FBXO42: variants seen among roughly 807,000 people sequenced by gnomAD.
FBXO42 encodes F-box protein 42.
FBXO42 carries 12 observed loss-of-function variants against 71.7 expected under a neutral mutation model. The ratio of observed to expected loss-of-function variants is 0.17; its 90% CI spans 0.11 to 0.27. The LOEUF is 0.27. Ranked by LOEUF, FBXO42 falls within the 10% of genes least tolerant of loss-of-function variation. FBXO42 has a pLI of 1.00. For missense variants in FBXO42, 707 were observed against 911.9 expected, an observed-to-expected ratio of 0.78 and a Z score of 2.89; for synonymous variants, 325 against 327.5, an observed-to-expected ratio of 0.99 and a Z score of 0.08.
At chr1:16,322,737 G>A (rs1379180197) in intron 1 of FBXO42, among the ~76,000 whole-genome samples, 1 of 152,178 alleles carries the variant, frequency 6.6e-6, no homozygotes. Flanking sequence ...CTTTAATGCT[G>A]TGAAACCTAG....
At chr1:16,300,893 CTTTTT>C (rs34549210) in intron 3 of FBXO42, among the ~76,000 whole-genome samples, 1 of 100,896 alleles carries the variant, frequency 9.9e-6, no homozygotes, top group Non-Finnish European at 1.9e-5. Flanking sequence ...TAGAATTGGC[CTTTTT>C]TTTTTTTTTT....
chr1:16,279,081 G>A (rs1404176733), intron 4 of FBXO42, among the ~76,000 whole-genome samples: 2 of 152,076 alleles, frequency 1.3e-5, no homozygotes, highest in African/African-American at 4.8e-5. Context: ...CAGCCTAGAC[G>A]GTTATTTCTG....
At chr1:16,285,516 C>T (rs950553232) in intron 4 of FBXO42, among the ~76,000 whole-genome samples, 1 of 152,226 alleles carries the variant, frequency 6.6e-6, no homozygotes, top group African/African-American at 2.4e-5. Flanking sequence ...TCCTGATCTG[C>T]CTGCCTTGGC....
intron 1 of FBXO42, among the ~76,000 whole-genome samples, chr1:16,318,453 T>A (rs1557600375): frequency 6.6e-6 from 1 of 152,158 alleles, no homozygotes; most frequent in Non-Finnish European, 1.5e-5. Flanking sequence ...TAAGCCATTA[T>A]CAGCAGTTAC....
intron 2 of FBXO42, among the ~76,000 whole-genome samples, chr1:16,313,629 G>A (rs2082337386): frequency 6.6e-6 from 1 of 152,158 alleles, no homozygotes. Flanking sequence ...CAATACAGCT[G>A]GTTCTTAGCC....
At chr1:16,302,328 A>AT (rs1470985245) in intron 3 of FBXO42, among the ~76,000 whole-genome samples, 1 of 152,286 alleles carries the variant, frequency 6.6e-6, no homozygotes, top group African/African-American at 2.4e-5. Context: ...GTATTAGTCC[A>AT]TTTTCACACT....
chr1:16,295,056 T>A, intron 3 of FBXO42, 139 bp from the exon 4 acceptor site: 1 of 929,194 alleles, frequency 1.1e-6, no homozygotes, highest in Non-Finnish European at 1.6e-6. Flanking sequence ...ATTACCAGCC[T>A]CTTGTCTCCA....
chr1:16,338,060 C>A (rs1009075798), intron 1 of FBXO42, among the ~76,000 whole-genome samples: 15 of 151,750 alleles, frequency 9.9e-5, no homozygotes, highest in African/African-American at 2.9e-4. Context: ...GAGATCAAGA[C>A]CATCCTGGCT....
intron 1 of FBXO42, among the ~76,000 whole-genome samples, chr1:16,337,375 G>A (rs2100622426): frequency 6.6e-6 from 1 of 152,170 alleles, no homozygotes; most frequent in East Asian, 1.9e-4. Flanking sequence ...CATGTGCCAG[G>A]TGCCTTATCT....
rs747774802 is a variant in FBXO42 at position 16,251,543 on chromosome 1, G to T, written c.1281C>A (p.Ser427Arg). The change falls in exon 10 of 10, where the codon AGC becomes AGA. Residue 427 changes from serine to arginine, a missense_variant. Ser to Arg is a moderately radical substitution (Grantham distance 110). This residue lies in a region of FBXO42 where 482 missense variants were observed against 587.1 expected (regional missense o/e 0.82). Coordinates refer to ENST00000375592, the MANE Select transcript of FBXO42 (RefSeq NM_018994.3). The surrounding 1 kb of genome is among the most constrained non-coding windows in gnomAD (Gnocchi z 4.5). ...AGCCGTCTCCTCTGGCTGGGGAAAG[G>T]CTCCCTTCCCGGGAACCTGAAGGAG... ...RQTPSGSREGSLSPARGDGSP... is the reference protein window; with the variant it reads ...RQTPSGSREGRLSPARGDGSP... 10 of 1,614,144 alleles carry T rather than the reference G, an allele frequency of 6.2e-6. No homozygotes were observed. The highest frequency in any genetic ancestry group is 8.5e-6 in the Non-Finnish European group (10 of 1,180,006).
intron 4 of FBXO42, among the ~76,000 whole-genome samples, chr1:16,281,824 T>C (rs1165824785): frequency 1.3e-5 from 2 of 151,628 alleles, no homozygotes; most frequent in Non-Finnish European, 2.9e-5. Flanking sequence ...ATTCAGCTGA[T>C]TTTTGTATTT....
chr1:16,256,128 C>T (rs1325104376), intron 5 of FBXO42, among the ~76,000 whole-genome samples: 3 of 152,180 alleles, frequency 2.0e-5, no homozygotes, highest in African/African-American at 7.2e-5. Context: ...GCTACCTTTC[C>T]CTATGGTCCT....
intron 4 of FBXO42, among the ~76,000 whole-genome samples, chr1:16,272,644 ATGCAGGATCT>A (rs1228776530): frequency 1.3e-5 from 2 of 152,232 alleles, no homozygotes; most frequent in African/African-American, 4.8e-5. Flanking sequence ...AGGGAAGATT[ATGCAGGATCT>A]TGTCAGCCAC....
intron 2 of FBXO42, among the ~76,000 whole-genome samples, chr1:16,314,680 T>C (rs2082345743): frequency 6.6e-6 from 1 of 152,116 alleles, no homozygotes; most frequent in Admixed American, 6.6e-5. Context: ...GTCAGGAGAT[T>C]GAGACTATTC....
chr1:16,270,426 G>A (rs2081827017), intron 4 of FBXO42, among the ~76,000 whole-genome samples: 1 of 152,128 alleles, frequency 6.6e-6, no homozygotes, highest in Admixed American at 6.6e-5. Flanking sequence ...ACAACTGGAC[G>A]CTGAAGTACT....
chr1:16,285,305 GCT>G (rs2082009879), intron 4 of FBXO42, among the ~76,000 whole-genome samples: 1 of 151,640 alleles, frequency 6.6e-6, no homozygotes. Flanking sequence ...GTCTTCCCAT[GCT>G]CTGTTGCCCA....
intron 2 of FBXO42, among the ~76,000 whole-genome samples, chr1:16,308,397 C>T (rs1569896940): frequency 1.3e-5 from 2 of 152,028 alleles, no homozygotes; most frequent in South Asian, 2.1e-4. Context: ...GCAGGAGGAT[C>T]GCTTGAGCCC....
At chr1:16,287,540 A>G (rs1454637125) in intron 4 of FBXO42, among the ~76,000 whole-genome samples, 1 of 152,216 alleles carries the variant, frequency 6.6e-6, no homozygotes, top group Non-Finnish European at 1.5e-5. Flanking sequence ...TACATGAACA[A>G]GTGAAGGATG....
intron 1 of FBXO42, among the ~76,000 whole-genome samples, chr1:16,337,662 C>T (rs534416469): frequency 1.7e-3 from 253 of 150,900 alleles, no homozygotes; most frequent in African/African-American, 5.9e-3. Flanking sequence ...GTGGGCGGAT[C>T]ACCTGAGGTC....
Sources: gnomAD v4.1 joint callset for allele counts (sites outside exome capture counted in the v4.1 genomes callset) on GRCh38, gnomAD v4.1.1 for gene constraint, gnomAD v4.1.1 regional missense constraint, Gnocchi (gnomAD v3.1) non-coding constraint, MANE v1.5 for transcripts, NCBI Gene and HGNC (gene_info 2026-07-23, HGNC 2026-07-21) for gene names.